The following ZNF521 variants were observed in gnomAD, a reference collection of about 807,000 sequenced individuals.
The protein encoded by ZNF521 is zinc finger protein 521.
A neutral mutation model predicts 105.5 loss-of-function variants in ZNF521; 14 were observed. That is an observed-to-expected ratio of 0.13 (90% CI 0.09 to 0.21). The LOEUF is 0.21. Ranked by LOEUF, ZNF521 falls within the 10% of genes least tolerant of loss-of-function variation. The pLI is 1.00. For missense variants in ZNF521, 1,233 were observed against 1,629.7 expected (o/e 0.76, Z 4.19); for synonymous variants, 635 against 606.0 (o/e 1.05, Z -0.70).
intron 2 of ZNF521, chr18:25,345,171 G>C (rs1359872440): frequency 6.6e-6 from 1 of 152,146 alleles, no homozygotes; most frequent in Non-Finnish European, 1.5e-5. Flanking sequence ...TTCCTCTAAG[G>C]TGAAAAGAAA....
intron 2 of ZNF521, among the ~76,000 whole-genome samples, chr18:25,346,881 A>G (rs1283517390): frequency 1.3e-5 from 2 of 152,134 alleles, no homozygotes; most frequent in Admixed American, 1.3e-4. Context: ...TGGCCATCTA[A>G]ATGACTAAGT....
chr18:25,295,780 T>C (rs1210638530), intron 3 of ZNF521, among the ~76,000 whole-genome samples: 1 of 152,230 alleles, frequency 6.6e-6, no homozygotes, highest in African/African-American at 2.4e-5. Context: ...TACATGTACC[T>C]GTCTCCCATA....
rs2144574997 is a variant in ZNF521, at chr18:25,175,882, A to G, written c.3658+19278T>C. Among the ~76,000 whole-genome samples, 3 of 152,356 alleles carry G rather than the reference A, an allele frequency of 2.0e-5. 1 individual carries two copies. The South Asian group carries it at 6.2e-4, about 32-fold the overall frequency. On this transcript the variant is annotated intron_variant, in intron 5 of 7. Coordinates refer to ENST00000361524, the MANE Select transcript of ZNF521 (RefSeq NM_015461.3). ...TTCCTAGGACTTCGAAGAGGCAGAA[A>G]AAAATGCCACCTTTACAAAATTATG...
chr18:25,068,473 C>G (rs1195230620), intron 7 of ZNF521, among the ~76,000 whole-genome samples: 1 of 152,132 alleles, frequency 6.6e-6, no homozygotes, highest in African/African-American at 2.4e-5. Flanking sequence ...ACATTACCGT[C>G]CACCTTTAAG....
At chr18:25,154,925 G>T (rs2035114585) in intron 5 of ZNF521, among the ~76,000 whole-genome samples, 1 of 152,080 alleles carries the variant, frequency 6.6e-6, no homozygotes, top group South Asian at 2.1e-4. Flanking sequence ...GGATTGCTGG[G>T]TCCTATATTA....
At chr18:25,082,375 C>T (rs2033514385) in intron 7 of ZNF521, among the ~76,000 whole-genome samples, 1 of 152,120 alleles carries the variant, frequency 6.6e-6, no homozygotes, top group Non-Finnish European at 1.5e-5. Context: ...GAATTACAAT[C>T]CCCCACACTG....
chr18:25,197,898 C>T lies in ZNF521; in HGVS notation c.3574-2654G>A, dbSNP rs144264478. On this transcript the variant is annotated intron_variant, in intron 4 of 7. Transcript: ENST00000361524. ...GAACCCCAAATGAAGTGCCATACTC[C>T]AGGTATGATCTGACCCTTGCAGAGT... 4.6e-5 allele frequency among the ~76,000 whole-genome samples: 7 copies of T among 151,950 alleles called. No individual in the cohort carries two copies. In the East Asian group the frequency reaches 5.8e-4, roughly 13 times the overall value.
chr18:25,099,642 A>G (rs917428110), intron 5 of ZNF521, among the ~76,000 whole-genome samples: 1 of 152,190 alleles, frequency 6.6e-6, no homozygotes, highest in African/African-American at 2.4e-5. Context: ...AACAATTTTT[A>G]TTAATTGTCT....
At chr18:25,156,097 T>C (rs528969325) in intron 5 of ZNF521, among the ~76,000 whole-genome samples, 4 of 152,320 alleles carry the variant, frequency 2.6e-5, no homozygotes, top group East Asian at 1.9e-4. Flanking sequence ...GAGGAGATTA[T>C]AGCTGCTCTG....
At chr18:25,246,227 A>G (rs1907709205) in intron 3 of ZNF521, among the ~76,000 whole-genome samples, 1 of 152,160 alleles carries the variant, frequency 6.6e-6, no homozygotes, top group Non-Finnish European at 1.5e-5. Context: ...AGTATAATAA[A>G]TAAATAAATA....
chr18:25,252,134 T>C (rs1217184041), intron 3 of ZNF521, among the ~76,000 whole-genome samples: 1 of 152,166 alleles, frequency 6.6e-6, no homozygotes, highest in Admixed American at 6.6e-5. Flanking sequence ...AGCACCCCTC[T>C]TACTGCTCCC....
At chr18:25,075,798 C>G (rs1315389855) in intron 7 of ZNF521, among the ~76,000 whole-genome samples, 1 of 152,170 alleles carries the variant, frequency 6.6e-6, no homozygotes, top group Non-Finnish European at 1.5e-5. Context: ...AAGTTATTGT[C>G]ACATCCTAAA....
intron 7 of ZNF521, among the ~76,000 whole-genome samples, chr18:25,080,473 C>A (rs1336643266): frequency 2.0e-5 from 3 of 152,160 alleles, no homozygotes; most frequent in Non-Finnish European, 4.4e-5. Flanking sequence ...AGATTCGTTG[C>A]AAATATAACA....
intron 4 of ZNF521, among the ~76,000 whole-genome samples, chr18:25,199,730 C>A (rs1280130830): frequency 6.6e-6 from 1 of 151,986 alleles, no homozygotes; most frequent in Non-Finnish European, 1.5e-5. Context: ...TTTAGAAGCT[C>A]AACCTAACCT....
chr18:25,253,909 T>C (rs1041570200), intron 3 of ZNF521, among the ~76,000 whole-genome samples: 1 of 152,134 alleles, frequency 6.6e-6, no homozygotes, highest in African/African-American at 2.4e-5. Context: ...TTGGATAATT[T>C]TTACACATGA....
At chr18:25,170,647 ACAC>A (rs2035433130) in intron 5 of ZNF521, among the ~76,000 whole-genome samples, 3 of 152,084 alleles carry the variant, frequency 2.0e-5, no homozygotes, top group Non-Finnish European at 2.9e-5. Flanking sequence ...TGCTTCAGTG[ACAC>A]CCAATTTGAT....
intron 3 of ZNF521, among the ~76,000 whole-genome samples, chr18:25,273,245 A>AAAAAAAAAAAAAAAAAAAAAC (rs1909797767): frequency 7.1e-6 from 1 of 141,128 alleles, no homozygotes; most frequent in Non-Finnish European, 1.6e-5. Context: ...AAAAAAAAAA[A>AAAAAAAAAAAAAAAAAAAAAC]AAAAAAGACA....
In ZNF521 at chr18:25,350,206, G is replaced by C. The variant is rs561975684; in HGVS notation, c.40+701C>G. On this transcript the variant is annotated intron_variant, in intron 2 of 7. Transcript: ENST00000361524. ...CTCCAACAGGGACGACGGAGAGCTG[G>C]ACCCCACCGCGAAACGCAAAGGACT... Among the ~76,000 whole-genome samples, 7 of 152,290 alleles carry C rather than the reference G, an allele frequency of 4.6e-5. No individual in the cohort carries two copies. In the East Asian group the frequency reaches 1.4e-3, roughly 30 times the overall value.
At chr18:25,170,999 G>A (rs1345641474) in intron 5 of ZNF521, among the ~76,000 whole-genome samples, 1 of 152,088 alleles carries the variant, frequency 6.6e-6, no homozygotes, top group Non-Finnish European at 1.5e-5. Flanking sequence ...AACATAAGCT[G>A]TGGCATACTG....
Sources: allele counts gnomAD v4.1 joint callset (sites outside exome capture counted in the v4.1 genomes callset), GRCh38; gene constraint gnomAD v4.1.1; transcripts MANE v1.5; gene names NCBI Gene and HGNC (gene_info 2026-07-23, HGNC 2026-07-21).